EBF2: variants seen among roughly 807,000 people sequenced by gnomAD.
EBF2 encodes the protein transcription factor COE2.
EBF2 carries 21 observed loss-of-function variants against 72.8 expected under a neutral mutation model. The observed-to-expected ratio is 0.29, with a 90% CI of 0.20 to 0.42. The LOEUF is 0.42. EBF2 is among the 10% of genes least tolerant of loss of function. EBF2 has a pLI of 1.00. For synonymous variants in EBF2, 299 were observed against 274.2 expected (o/e 1.09, Z -0.89); for missense variants, 637 against 731.2 (o/e 0.87, Z 1.49).
rs564420870 is a variant in EBF2 at position 25,962,005 on chromosome 8, A to T, written c.552-53450T>A. ...AGCATGTCCTTCTACCCTTTGCCCA[A>T]CTGACCTGGGCATAAGGAATACATA... On this transcript the variant is annotated intron_variant, in intron 6 of 15. Transcript: ENST00000520164. Among the ~76,000 whole-genome samples, 3 of 152,186 alleles carry T rather than the reference A, an allele frequency of 2.0e-5. No homozygotes were observed. In the East Asian group the frequency reaches 5.8e-4, roughly 29 times the overall value.
chr8:25,888,102 T>A, intron 8 of EBF2, 130 bp from the exon 9 acceptor site: 1 of 1,016,120 alleles, frequency 9.8e-7, no homozygotes, highest in Non-Finnish European at 1.4e-6. Context: ...TAACGATAAC[T>A]GATGAGCTAA....
chr8:25,883,071 T>G (rs1465023463), intron 10 of EBF2, among the ~76,000 whole-genome samples: 22 of 152,246 alleles, frequency 1.4e-4, no homozygotes, highest in Non-Finnish European at 1.5e-5. Flanking sequence ...CTGCTTAGGT[T>G]TCAGTTTTCT....
chr8:25,851,986 G>A (rs1048378772), intron 14 of EBF2, among the ~76,000 whole-genome samples: 1 of 152,124 alleles, frequency 6.6e-6, no homozygotes, highest in Non-Finnish European at 1.5e-5. Flanking sequence ...CCCATATGAT[G>A]TCTTTTATAG....
chr8:25,912,466 G>GCACACACACACACACACACA (rs141335310), intron 6 of EBF2, among the ~76,000 whole-genome samples: 1 of 136,856 alleles, frequency 7.3e-6, no homozygotes, highest in East Asian at 2.2e-4. Context: ...TCTAAAAATG[G>GCACACACACACACACACACA]CACACACACA....
chr8:26,010,759 G>A (rs190986857), intron 6 of EBF2, among the ~76,000 whole-genome samples: 17 of 152,206 alleles, frequency 1.1e-4, no homozygotes, highest in African/African-American at 4.1e-4. Flanking sequence ...CTCGATACGA[G>A]GGCACCGCGC....
chr8:26,007,742 T>A (rs961647936), intron 6 of EBF2, among the ~76,000 whole-genome samples: 2 of 151,682 alleles, frequency 1.3e-5, no homozygotes, highest in African/African-American at 4.9e-5. Context: ...AGACACAGAT[T>A]TTCACCCCTA....
intron 15 of EBF2, among the ~76,000 whole-genome samples, chr8:25,849,916 C>T (rs988716169): frequency 1.3e-5 from 2 of 151,934 alleles, no homozygotes; most frequent in African/African-American, 4.8e-5. Flanking sequence ...GACATGATGG[C>T]AAGCGGATTA....
chr8:25,857,663 C>A (rs1233636456), intron 14 of EBF2, among the ~76,000 whole-genome samples: 1 of 152,156 alleles, frequency 6.6e-6, no homozygotes, highest in Non-Finnish European at 1.5e-5. Context: ...CACAACTTCC[C>A]AGAGCAGGGA....
At chr8:25,856,236 C>A (rs1016657606) in intron 14 of EBF2, among the ~76,000 whole-genome samples, 1 of 152,102 alleles carries the variant, frequency 6.6e-6, no homozygotes, top group Admixed American at 6.5e-5. Flanking sequence ...ACAAAAACAA[C>A]TATTATGATT....
intron 6 of EBF2, among the ~76,000 whole-genome samples, chr8:25,911,051 C>T (rs576218413): frequency 6.6e-6 from 1 of 152,164 alleles, no homozygotes; most frequent in South Asian, 2.1e-4. Context: ...GCCCTCCACC[C>T]TCTCCATCCA....
chr8:25,993,695 G>A (rs1030431765), intron 6 of EBF2, among the ~76,000 whole-genome samples: 4 of 152,136 alleles, frequency 2.6e-5, no homozygotes, highest in Admixed American at 1.3e-4. Context: ...ACACAGAGGG[G>A]TGAGACAAAG....
intron 10 of EBF2, among the ~76,000 whole-genome samples, chr8:25,880,547 C>A (rs1208803422): frequency 6.6e-6 from 1 of 152,092 alleles, no homozygotes; most frequent in Non-Finnish European, 1.5e-5. Flanking sequence ...GTATTTATAC[C>A]CTTAATGTGT....
At chr8:26,037,870 T>C (rs1010942989) in intron 5 of EBF2, among the ~76,000 whole-genome samples, 2 of 152,196 alleles carry the variant, frequency 1.3e-5, no homozygotes, top group African/African-American at 4.8e-5. Context: ...TGTTCCCCCA[T>C]TCAAAGCTAA....
chr8:25,848,179 G>A (rs964145461), intron 15 of EBF2, among the ~76,000 whole-genome samples: 3 of 152,072 alleles, frequency 2.0e-5, no homozygotes, highest in African/African-American at 7.2e-5. Context: ...TTCTTTTAAA[G>A]GTTCAAATCA....
chr8:25,874,788 C>A (rs983097059), intron 10 of EBF2, among the ~76,000 whole-genome samples: 2 of 151,382 alleles, frequency 1.3e-5, no homozygotes, highest in African/African-American at 4.9e-5. Context: ...TGGGCTCAAG[C>A]GTTTCTCCCA....
At chr8:25,986,920 T>C (rs1333554823) in intron 6 of EBF2, among the ~76,000 whole-genome samples, 1 of 152,194 alleles carries the variant, frequency 6.6e-6, no homozygotes, top group Non-Finnish European at 1.5e-5. Flanking sequence ...AAAGGCAACA[T>C]GGGGAGCCCA....
Position 25,926,797 on chromosome 8 carries a change from A to G in EBF2, c.552-18242T>C, listed in dbSNP as rs558820589. Among the ~76,000 whole-genome samples, 4 of 152,312 alleles carry G rather than the reference A, an allele frequency of 2.6e-5. No individual in the cohort carries two copies. In the South Asian group the frequency reaches 8.3e-4, roughly 32 times the overall value. On this transcript the variant is annotated intron_variant, in intron 6 of 15. Coordinates refer to ENST00000520164, the MANE Select transcript of EBF2 (RefSeq NM_022659.4). The stretch of plus-strand genomic sequence containing the variant: ...CTTTGAAAGTACATTCGAGAGTTCT[A>G]TTCATCACCTTTGAGGCAACGTAAA...
At chr8:25,958,918 T>C (rs1212016452) in intron 6 of EBF2, among the ~76,000 whole-genome samples, 1 of 152,172 alleles carries the variant, frequency 6.6e-6, no homozygotes, top group African/African-American at 2.4e-5. Flanking sequence ...TAAAATCAAG[T>C]CTGGAAGCTT....
At chr8:26,032,834 T>C in intron 6 of EBF2, 1 of 507,486 alleles carries the variant, frequency 2.0e-6, no homozygotes, top group East Asian at 3.4e-5. Flanking sequence ...GCACCACACA[T>C]ACTACTTATT....
Sources: gnomAD v4.1 joint callset for allele counts (sites outside exome capture counted in the v4.1 genomes callset) on GRCh38, gnomAD v4.1.1 for gene constraint, MANE v1.5 for transcripts, NCBI Gene and HGNC (gene_info 2026-07-23, HGNC 2026-07-21) for gene names.